SYT1: variants seen among roughly 807,000 people sequenced by gnomAD.
SYT1 encodes the protein synaptotagmin-1.
Under a neutral mutation model 44.8 loss-of-function variants are expected in SYT1, and 8 were observed. The observed-to-expected ratio is 0.18, with a 90% CI of 0.10 to 0.32. SYT1 has a LOEUF of 0.32. SYT1 is among the 10% of genes least tolerant of loss of function. SYT1 has a pLI of 1.00. For missense variants in SYT1, 286 were observed against 509.3 expected (o/e 0.56, Z 4.22); for synonymous variants, 154 against 188.8 (o/e 0.82, Z 1.51).
chr12:79,316,799 C>T (rs1300757261), intron 8 of SYT1, among the ~76,000 whole-genome samples: 14 of 152,106 alleles, frequency 9.2e-5, no homozygotes, highest in Admixed American at 7.2e-4. Context: ...TTCGTTGTCT[C>T]GATAGGTAGA....
chr12:79,336,505 T>C (rs2139030651), intron 8 of SYT1, among the ~76,000 whole-genome samples: 1 of 152,274 alleles, frequency 6.6e-6, no homozygotes, highest in Non-Finnish European at 1.5e-5. Flanking sequence ...CTTTGCCTTT[T>C]TTTGTGTCTT....
intron 1 of SYT1, among the ~76,000 whole-genome samples, chr12:78,931,381 GAA>G: frequency 8.8e-6 from 1 of 113,748 alleles, no homozygotes; most frequent in African/African-American, 3.5e-5. Context: ...AGGAAGGAAG[GAA>G]GGAAGGAAGG....
intron 1 of SYT1, among the ~76,000 whole-genome samples, chr12:78,923,249 A>G (rs930752563): frequency 1.3e-5 from 2 of 151,994 alleles, no homozygotes. Flanking sequence ...TATTATTTTG[A>G]TAATTTTAAT....
chr12:78,994,461 T>C (rs973120907), intron 2 of SYT1, among the ~76,000 whole-genome samples: 2 of 151,130 alleles, frequency 1.3e-5, no homozygotes, highest in Non-Finnish European at 2.9e-5. Context: ...TAATTTTTCT[T>C]TTTCTTTGTT....
chr12:79,402,999 T>C (rs1049450110), intron 9 of SYT1, among the ~76,000 whole-genome samples: 3 of 152,234 alleles, frequency 2.0e-5, no homozygotes, highest in African/African-American at 7.2e-5. Context: ...GAAGAACCAG[T>C]TGGGTCCTCT....
At chr12:79,117,662 C>CATATATATATATATAT (rs57706449) in intron 3 of SYT1, among the ~76,000 whole-genome samples, 2 of 39,300 alleles carry the variant, frequency 5.1e-5, no homozygotes, top group African/African-American at 8.7e-5. Context: ...TGTATTACAT[C>CATATATATATATATAT]ATATATATAT....
At chr12:79,129,460 T>C (rs760545942) in intron 3 of SYT1, among the ~76,000 whole-genome samples, 2 of 152,216 alleles carry the variant, frequency 1.3e-5, no homozygotes, top group Non-Finnish European at 2.9e-5. Flanking sequence ...GTCAAGCTGA[T>C]AAAAGTTATA....
chr12:79,014,122 C>CAAAA (rs1358787041), intron 2 of SYT1, among the ~76,000 whole-genome samples: 26 of 39,272 alleles, frequency 6.6e-4, no homozygotes, highest in Non-Finnish European at 7.5e-4. Flanking sequence ...AGACTCTCTC[C>CAAAA]AAAAAAAAAA....
At chr12:78,964,834 C>G (rs191951713) in intron 1 of SYT1, among the ~76,000 whole-genome samples, 1 of 151,998 alleles carries the variant, frequency 6.6e-6, no homozygotes, top group East Asian at 1.9e-4. Flanking sequence ...TTTTCTTCTC[C>G]TCTTAGAAGA....
chr12:79,294,172 T>C (rs891967620), intron 6 of SYT1, among the ~76,000 whole-genome samples: 10 of 152,032 alleles, frequency 6.6e-5, no homozygotes, highest in Non-Finnish European at 1.3e-4. Context: ...TTATTAATAC[T>C]ATAAGTATCA....
At chr12:79,431,044 G>A (rs914662971) in intron 9 of SYT1, among the ~76,000 whole-genome samples, 1 of 152,136 alleles carries the variant, frequency 6.6e-6, no homozygotes, top group African/African-American at 2.4e-5. Flanking sequence ...CAAGAAAACT[G>A]GAATCACCAT....
intron 9 of SYT1, among the ~76,000 whole-genome samples, chr12:79,381,009 T>G (rs1233427957): frequency 6.6e-6 from 1 of 152,212 alleles, no homozygotes; most frequent in Non-Finnish European, 1.5e-5. Context: ...ATTTAATTCC[T>G]ACGACAAAAC....
chr12:79,278,908 A>C (rs564093408), intron 4 of SYT1, among the ~76,000 whole-genome samples: 1 of 152,058 alleles, frequency 6.6e-6, no homozygotes, highest in East Asian at 1.9e-4. Flanking sequence ...AATCTAGAGG[A>C]AATAGATAAA....
At chr12:79,361,205 T>C (rs141303284) in intron 9 of SYT1, among the ~76,000 whole-genome samples, 32 of 152,288 alleles carry the variant, frequency 2.1e-4, no homozygotes, top group African/African-American at 7.5e-4. Context: ...TTCTAAATGC[T>C]TTACATATGG....
intron 3 of SYT1, among the ~76,000 whole-genome samples, chr12:79,050,748 A>T (rs1336789375): frequency 6.6e-6 from 1 of 152,102 alleles, no homozygotes; most frequent in Non-Finnish European, 1.5e-5. Flanking sequence ...CCAATAAAAC[A>T]TCTTGTGGCT....
chr12:79,315,566 A>AG (rs553942082), intron 8 of SYT1, among the ~76,000 whole-genome samples: 4 of 152,200 alleles, frequency 2.6e-5, no homozygotes, highest in Admixed American at 6.5e-5. Context: ...ATGATGCTCC[A>AG]GGCTGACTGG....
chr12:79,016,316 G>A (rs887906340), intron 2 of SYT1, among the ~76,000 whole-genome samples: 1 of 152,072 alleles, frequency 6.6e-6, no homozygotes, highest in Admixed American at 6.6e-5. Context: ...TATCATACGT[G>A]TTTCTAGAAT....
chr12:78,972,719 T>A (rs1045516266), intron 1 of SYT1, among the ~76,000 whole-genome samples: 6 of 151,948 alleles, frequency 3.9e-5, no homozygotes, highest in African/African-American at 1.4e-4. Context: ...CATTCGATTT[T>A]TTTTTCACCT....
At chr12:79,049,477 CTTA>C (rs772879995) in intron 3 of SYT1, among the ~76,000 whole-genome samples, 51 of 151,686 alleles carry the variant, frequency 3.4e-4, no homozygotes, top group Non-Finnish European at 6.5e-4. Flanking sequence ...AAAGACTCTT[CTTA>C]TTATACTGTA....
Sources: allele counts gnomAD v4.1 joint callset (sites outside exome capture counted in the v4.1 genomes callset), GRCh38; gene constraint gnomAD v4.1.1; transcripts MANE v1.5; gene names NCBI Gene and HGNC (gene_info 2026-07-23, HGNC 2026-07-21).